PTPRD: variants seen among roughly 807,000 people sequenced by gnomAD.
PTPRD encodes the protein protein tyrosine phosphatase receptor type D.
PTPRD carries 34 observed loss-of-function variants against 214.5 expected under a neutral mutation model. The ratio of observed to expected loss-of-function variants is 0.16; its 90% CI spans 0.12 to 0.21. The LOEUF (loss-of-function observed/expected upper bound fraction) is 0.21. Ranked by LOEUF, PTPRD falls within the 10% of genes least tolerant of loss-of-function variation. The probability of loss-of-function intolerance (pLI) is 1.00; values close to 1 mark genes in which losing one functional copy is unlikely to be tolerated. For synonymous variants in PTPRD, 1,128 were observed against 845.7 expected, an observed-to-expected ratio of 1.33 and a Z score of -5.79; for missense variants, 2,545 against 2,398.7, an observed-to-expected ratio of 1.06 and a Z score of -1.27.
intron 3 of PTPRD, among the ~76,000 whole-genome samples, chr9:10,266,273 C>G (rs1453569967): frequency 6.6e-6 from 1 of 151,488 alleles, no homozygotes; most frequent in Non-Finnish European, 1.5e-5. Context: ...TAAAATAGCC[C>G]TTGAAAATGA....
rs182531919 is a variant in PTPRD at position 10,422,353 on chromosome 9, A to T, written c.-599-81336T>A. On this transcript the variant is annotated intron_variant, in intron 2 of 45. Coordinates refer to ENST00000381196, the MANE Select transcript of PTPRD (RefSeq NM_002839.4). ...AAATGTTAGACCTGAAACCATAAAA[A>T]CCATACAGGAAAACCTAGGCAATAC... 4.7e-3 allele frequency among the ~76,000 whole-genome samples: 721 copies of T among 152,176 alleles called. 20 individuals are homozygous for T. Among genetic ancestry groups the T allele is most frequent in the Admixed American group, 0.045 (680 of 15,252 alleles).
At chr9:9,147,577 T>C (rs1210595910) in intron 10 of PTPRD, among the ~76,000 whole-genome samples, 1 of 152,170 alleles carries the variant, frequency 6.6e-6, no homozygotes, top group Non-Finnish European at 1.5e-5. Context: ...ATTCAAATTT[T>C]AATGTCCATG....
At chr9:8,609,402 T>A (rs62530711) in intron 14 of PTPRD, among the ~76,000 whole-genome samples, 16,273 of 152,236 alleles carry the variant, frequency 0.11, 899 homozygotes, top group East Asian at 0.17. Flanking sequence ...TTGTCATCTT[T>A]TCTTACCTTT....
intron 8 of PTPRD, among the ~76,000 whole-genome samples, chr9:9,488,660 G>A (rs1430927939): frequency 1.3e-5 from 2 of 152,210 alleles, no homozygotes; most frequent in East Asian, 3.8e-4. Context: ...CCACTTAGGA[G>A]AATGCACTTG....
chr9:8,708,534 C>T (rs1292363621), intron 12 of PTPRD, among the ~76,000 whole-genome samples: 1 of 151,792 alleles, frequency 6.6e-6, no homozygotes, highest in Non-Finnish European at 1.5e-5. Flanking sequence ...AAAAAATTAG[C>T]TGGGCATGGT....
intron 11 of PTPRD, among the ~76,000 whole-genome samples, chr9:8,825,253 A>C (rs1182595435): frequency 6.6e-6 from 1 of 152,196 alleles, no homozygotes; most frequent in East Asian, 1.9e-4. Flanking sequence ...AGTTTTCTAA[A>C]GGGTTTTTAT....
intron 11 of PTPRD, among the ~76,000 whole-genome samples, chr9:8,841,387 T>A (rs2097554524): frequency 6.6e-6 from 1 of 152,168 alleles, no homozygotes; most frequent in South Asian, 2.1e-4. Context: ...ATCAATCACC[T>A]CTGGTAAGAA....
At chr9:8,323,979 T>A (rs548798554) in intron 44 of PTPRD, among the ~76,000 whole-genome samples, 1 of 152,278 alleles carries the variant, frequency 6.6e-6, no homozygotes, top group South Asian at 2.1e-4. Flanking sequence ...AAGAAATTGC[T>A]ACAGCCACCT....
chr9:9,349,052 G>A (rs1031747750), intron 9 of PTPRD, among the ~76,000 whole-genome samples: 6 of 151,974 alleles, frequency 3.9e-5, no homozygotes, highest in African/African-American at 1.2e-4. Context: ...TTACAGTGGC[G>A]GGCGGGTATC....
intron 4 of PTPRD, among the ~76,000 whole-genome samples, 176 bp from the exon 5 acceptor site, chr9:9,938,786 C>G (rs550567632): frequency 2.0e-5 from 3 of 152,080 alleles, no homozygotes; most frequent in Non-Finnish European, 4.4e-5. Flanking sequence ...TAATATAGCA[C>G]CTGTATAAGT....
intron 11 of PTPRD, among the ~76,000 whole-genome samples, chr9:8,752,580 C>T (rs1364808535): frequency 2.6e-5 from 4 of 152,078 alleles, no homozygotes; most frequent in East Asian, 1.9e-4. Context: ...CTTTCTTGTG[C>T]GAGACTCAAG....
intron 4 of PTPRD, among the ~76,000 whole-genome samples, chr9:9,992,813 G>C (rs187871772): frequency 6.6e-6 from 1 of 151,922 alleles, no homozygotes; most frequent in Non-Finnish European, 1.5e-5. Context: ...GATGGGGAGA[G>C]GGGGGAGGGA....
At chr9:9,913,432 G>C (rs1033400170) in intron 5 of PTPRD, among the ~76,000 whole-genome samples, 1 of 152,142 alleles carries the variant, frequency 6.6e-6, no homozygotes, top group African/African-American at 2.4e-5. Flanking sequence ...ATCTCATCAA[G>C]ATGGCTGACT....
At chr9:8,443,126 C>T (rs1023752074) in intron 34 of PTPRD, among the ~76,000 whole-genome samples, 2 of 152,290 alleles carry the variant, frequency 1.3e-5, no homozygotes, top group African/African-American at 2.4e-5. Flanking sequence ...GCCTGGACAA[C>T]AGAGCAAGAT....
At chr9:9,596,127 G>A (rs898467844) in intron 7 of PTPRD, among the ~76,000 whole-genome samples, 10 of 151,666 alleles carry the variant, frequency 6.6e-5, no homozygotes, top group Admixed American at 6.6e-4. Flanking sequence ...GAATACCCAT[G>A]GATACACTAT....
At chr9:10,496,014 G>C (rs961860389) in intron 2 of PTPRD, among the ~76,000 whole-genome samples, 1 of 151,702 alleles carries the variant, frequency 6.6e-6, no homozygotes, top group South Asian at 2.1e-4. Context: ...TTTGATCAAG[G>C]TTATTAAATA....
At chr9:9,379,697 C>T (rs1415802038) in intron 9 of PTPRD, among the ~76,000 whole-genome samples, 1 of 151,804 alleles carries the variant, frequency 6.6e-6, no homozygotes, top group Non-Finnish European at 1.5e-5. Context: ...TTTGGTTTTC[C>T]TTTGACTTCT....
chr9:8,878,833 T>G (rs1358364555), intron 11 of PTPRD, among the ~76,000 whole-genome samples: 1 of 152,216 alleles, frequency 6.6e-6, no homozygotes, highest in Non-Finnish European at 1.5e-5. Context: ...ACACCCAGCC[T>G]CTGCTGATTT....
chr9:8,553,831 G>A (rs1449598906), intron 14 of PTPRD, among the ~76,000 whole-genome samples: 1 of 152,098 alleles, frequency 6.6e-6, no homozygotes, highest in African/African-American at 2.4e-5. Flanking sequence ...TTAAGGAGAT[G>A]GAGCACCTAC....
Sources: gnomAD v4.1 joint callset for allele counts (sites outside exome capture counted in the v4.1 genomes callset) on GRCh38, gnomAD v4.1.1 for gene constraint, MANE v1.5 for transcripts, NCBI Gene and HGNC (gene_info 2026-07-23, HGNC 2026-07-21) for gene names.